CCDC171: variants seen among roughly 807,000 people sequenced by gnomAD.
CCDC171 encodes the protein coiled-coil domain containing 171.
A neutral mutation model predicts 168.2 loss-of-function variants in CCDC171; 177 were observed. That is an observed-to-expected ratio of 1.05 (90% CI 0.93 to 1.19). CCDC171 has a LOEUF of 1.19. CCDC171 is among the 50% of genes most tolerant of loss of function. The pLI is 0.00. For synonymous variants in CCDC171, 687 were observed against 540.8 expected (o/e 1.27, Z -3.75); for missense variants, 1,991 against 1,539.0 (o/e 1.29, Z -4.91).
intron 24 of CCDC171, among the ~76,000 whole-genome samples, chr9:15,892,265 G>A (rs900587954): frequency 6.6e-6 from 1 of 152,124 alleles, no homozygotes; most frequent in African/African-American, 2.4e-5. Context: ...AGAGAGGGCA[G>A]CCTTGACTTG....
intron 18 of CCDC171, among the ~76,000 whole-genome samples, chr9:15,769,169 T>C (rs1429582596): frequency 2.6e-5 from 4 of 152,252 alleles, no homozygotes; most frequent in Non-Finnish European, 4.4e-5. Context: ...TTTCTGTCTT[T>C]AAATGCAATT....
At chr9:15,806,489 A>T (rs1454482795) in intron 21 of CCDC171, among the ~76,000 whole-genome samples, 1 of 152,170 alleles carries the variant, frequency 6.6e-6, no homozygotes, top group Non-Finnish European at 1.5e-5. Context: ...TCCTTCGCTT[A>T]TGAAGCATAG....
At chr9:15,557,405 CT>C (rs2038900045) in intron 1 of CCDC171, among the ~76,000 whole-genome samples, 1 of 152,046 alleles carries the variant, frequency 6.6e-6, no homozygotes, top group Non-Finnish European at 1.5e-5. Context: ...TTTGTGTCCT[CT>C]TTTATTTTGT....
Position 15,723,745 on chromosome 9 carries a change from A to C in CCDC171, c.1490A>C (p.Lys497Thr). 7.0e-7 allele frequency: 1 copy of C among 1,434,556 alleles called. No homozygotes were observed. The highest frequency in any genetic ancestry group is 1.8e-4 in the Middle Eastern group (1 of 5,642). 88.9% of individuals were successfully genotyped at this position (1,434,556 alleles called of 1,614,324 possible). Residue 497 changes from lysine to threonine, a missense_variant and splice_region_variant, in exon 13 of 26, where the codon AAG becomes ACG. By Grantham distance (78) the Lys-to-Thr change is moderately conservative. Coordinates refer to ENST00000380701, the MANE Select transcript of CCDC171 (RefSeq NM_173550.4). ...ATAGACTCTCACACTAAAAATATAA[A>C]GGTATTATTTAGAATAACTTTTACC... is the stretch of plus-strand genomic sequence containing the variant. ...QKIDSHTKNI[K>T]ELQDKLADVN...
chr9:15,583,829 TG>T (rs1382789015), intron 4 of CCDC171, among the ~76,000 whole-genome samples: 3 of 152,198 alleles, frequency 2.0e-5, no homozygotes, highest in Non-Finnish European at 2.9e-5. Context: ...AAAGTGTTTT[TG>T]TTAACTTCAT....
At chr9:15,958,417 G>T (rs1830016388) in intron 25 of CCDC171, among the ~76,000 whole-genome samples, 1 of 151,494 alleles carries the variant, frequency 6.6e-6, no homozygotes, top group Non-Finnish European at 1.5e-5. Flanking sequence ...GCTACATGTG[G>T]CTACCATATT....
intron 3 of CCDC171, among the ~76,000 whole-genome samples, chr9:16,010,764 A>G (rs1437133404): frequency 1.4e-5 from 2 of 142,806 alleles, no homozygotes; most frequent in Non-Finnish European, 3.1e-5. Flanking sequence ...AAAAAAACCC[A>G]AACCTCTGGA....
intron 6 of CCDC171, among the ~76,000 whole-genome samples, chr9:15,612,442 A>G (rs190241380): frequency 1.3e-5 from 2 of 152,196 alleles, no homozygotes; most frequent in East Asian, 3.9e-4. Flanking sequence ...GTGTTTTAGG[A>G]GAGATGATTA....
chr9:15,897,384 ATG>A (rs1821050300), intron 24 of CCDC171, among the ~76,000 whole-genome samples: 1 of 152,022 alleles, frequency 6.6e-6, no homozygotes, highest in African/African-American at 2.4e-5. Flanking sequence ...CTTCCAAATT[ATG>A]TATGTTTTTA....
At chr9:16,095,287 T>C in the CCDC171 span, among the ~76,000 whole-genome samples, 1 of 152,176 alleles carries the variant, frequency 6.6e-6, no homozygotes, top group African/African-American at 2.4e-5. Flanking sequence ...GAGCATGGGC[T>C]GCTTTGCAGA....
chr9:15,870,388 G>T lies in CCDC171; in HGVS notation c.3469-4144G>T, dbSNP rs1166941627. Among the ~76,000 whole-genome samples the T allele has an allele frequency of 2.6e-5, 4 of 151,704 alleles. No homozygotes were observed. In the East Asian group the frequency reaches 7.7e-4, roughly 29 times the overall value. On this transcript the variant is annotated intron_variant, in intron 23 of 25. Coordinates refer to ENST00000380701, the MANE Select transcript of CCDC171 (RefSeq NM_173550.4). The stretch of plus-strand genomic sequence containing the variant: ...GGAGATTATAAGAAATATTATAGAG[G>T]TCTGTTTTCATATGGATCTATATCT...
intron 3 of CCDC171, among the ~76,000 whole-genome samples, chr9:16,009,639 A>G (rs979380284): frequency 6.6e-6 from 1 of 152,218 alleles, no homozygotes; most frequent in African/African-American, 2.4e-5. Context: ...AAAGAACCAC[A>G]TACATCAATA....
intron 18 of CCDC171, among the ~76,000 whole-genome samples, chr9:15,752,506 A>G (rs111393771): frequency 0.08 from 12,180 of 152,238 alleles, 1,224 homozygotes; most frequent in African/African-American, 0.23. Context: ...ATGTCCATCA[A>G]TAATAGACTG....
chr9:15,878,880 A>G (rs1161611250), intron 24 of CCDC171, among the ~76,000 whole-genome samples: 1 of 152,332 alleles, frequency 6.6e-6, no homozygotes, highest in Admixed American at 6.5e-5. Context: ...ACGGGAACAG[A>G]AAACCAAACA....
At chr9:15,748,388 GA>G (rs1377986571) in intron 18 of CCDC171, among the ~76,000 whole-genome samples, 1 of 152,204 alleles carries the variant, frequency 6.6e-6, no homozygotes, top group Non-Finnish European at 1.5e-5. Flanking sequence ...AACCAAGTTA[GA>G]AAACGCTTTT....
the CCDC171 span, among the ~76,000 whole-genome samples, chr9:16,091,340 C>T: frequency 6.6e-6 from 1 of 152,218 alleles, no homozygotes; most frequent in East Asian, 1.9e-4. Flanking sequence ...TAGAATTCTT[C>T]TTTCATTAGA....
At chr9:16,000,807 T>G (rs1362969402) in intron 3 of CCDC171, among the ~76,000 whole-genome samples, 1 of 152,190 alleles carries the variant, frequency 6.6e-6, no homozygotes, top group Non-Finnish European at 1.5e-5. Flanking sequence ...CTTCCCCTAT[T>G]TCTTTTTCCT....
chr9:15,665,375 T>C (rs1169475501), intron 8 of CCDC171, among the ~76,000 whole-genome samples: 7 of 152,218 alleles, frequency 4.6e-5, no homozygotes, highest in Non-Finnish European at 1.0e-4. Context: ...GAAGATCACT[T>C]TTCTATAGTA....
upstream of CCDC171, among the ~76,000 whole-genome samples, chr9:16,038,142 C>T (rs1833507326): frequency 6.6e-6 from 1 of 152,114 alleles, no homozygotes. Context: ...ATACCCAAAG[C>T]ACTAGGAAAA....
Sources: gnomAD v4.1 joint callset for allele counts (sites outside exome capture counted in the v4.1 genomes callset) on GRCh38, gnomAD v4.1.1 for gene constraint, MANE v1.5 for transcripts, NCBI Gene and HGNC (gene_info 2026-07-23, HGNC 2026-07-21) for gene names.